FRMD6: variants seen among roughly 807,000 people sequenced by gnomAD.
FRMD6 encodes FERM domain-containing protein 6.
FRMD6 carries 37 observed loss-of-function variants against 73.2 expected under a neutral mutation model. The ratio of observed to expected loss-of-function variants is 0.51; its 90% CI spans 0.39 to 0.66. FRMD6 has a LOEUF of 0.66. Among genes scored for constraint, FRMD6 ranks in the 30% least tolerant of loss-of-function variants. The probability of loss-of-function intolerance (pLI) is 0.00; values close to 1 mark genes in which losing one functional copy is unlikely to be tolerated. For missense variants in FRMD6, 714 were observed against 780.5 expected (o/e 0.91, Z 1.02); for synonymous variants, 273 against 282.2 (o/e 0.97, Z 0.33).
At chr14:51,482,882 A>T in the FRMD6 span, among the ~76,000 whole-genome samples, 1 of 151,930 alleles carries the variant, frequency 6.6e-6, no homozygotes, top group African/African-American at 2.4e-5. Context: ...TTGTATTTTT[A>T]GTAGAGACGG....
intron 13 of FRMD6, among the ~76,000 whole-genome samples, chr14:51,727,520 G>C (rs1230681624): frequency 6.6e-6 from 1 of 152,180 alleles, no homozygotes; most frequent in Non-Finnish European, 1.5e-5. Flanking sequence ...TTAGGTCAGG[G>C]CCTGGCACAT....
intron 2 of FRMD6, among the ~76,000 whole-genome samples, chr14:51,596,137 T>A (rs549784417): frequency 2.4e-4 from 36 of 152,260 alleles, no homozygotes; most frequent in African/African-American, 8.4e-4. Context: ...TGGGACTGAG[T>A]GACCTATTAT....
intron 2 of FRMD6, among the ~76,000 whole-genome samples, chr14:51,600,998 G>GTCTTT (rs1890005632): frequency 6.6e-6 from 1 of 152,262 alleles, no homozygotes; most frequent in Admixed American, 6.5e-5. Flanking sequence ...AAAGATTTTT[G>GTCTTT]GGCAGCAATT....
chr14:51,602,525 A>G (rs1297294832), intron 2 of FRMD6, among the ~76,000 whole-genome samples: 1 of 152,258 alleles, frequency 6.6e-6, no homozygotes, highest in Non-Finnish European at 1.5e-5. Context: ...TGAGAATCAC[A>G]TTTCAGGGTC....
chr14:51,605,549 A>G (rs1289002479), intron 2 of FRMD6, among the ~76,000 whole-genome samples: 2 of 152,160 alleles, frequency 1.3e-5, no homozygotes, highest in African/African-American at 2.4e-5. Flanking sequence ...TCTTACCCCA[A>G]AAGATGTATG....
At chr14:51,517,161 G>A (rs1199536662) in intron 1 of FRMD6, among the ~76,000 whole-genome samples, 4 of 152,200 alleles carry the variant, frequency 2.6e-5, no homozygotes, top group African/African-American at 9.6e-5. Context: ...AAATGATTAA[G>A]TGATTAAGGA....
At chr14:51,431,877 A>C in the FRMD6 span, among the ~76,000 whole-genome samples, 3 of 152,208 alleles carry the variant, frequency 2.0e-5, no homozygotes, top group Non-Finnish European at 4.4e-5. Context: ...GAGATTGCTC[A>C]TGTGGAAAGA....
chr14:51,432,156 A>T, the FRMD6 span, among the ~76,000 whole-genome samples: 1 of 152,232 alleles, frequency 6.6e-6, no homozygotes, highest in African/African-American at 2.4e-5. Context: ...TCTGTTGTTC[A>T]GATTGATCCA....
At chr14:51,477,219 A>G in the FRMD6 span, among the ~76,000 whole-genome samples, 1 of 152,224 alleles carries the variant, frequency 6.6e-6, no homozygotes, top group Admixed American at 6.5e-5. Context: ...AGAGAAATAA[A>G]CAGGTTACTA....
chr14:51,698,289 T>A (rs1896076827), intron 3 of FRMD6, 57 bp downstream of exon 3: 2 of 1,173,676 alleles, frequency 1.7e-6, no homozygotes, highest in South Asian at 1.4e-5. Flanking sequence ...GGAAATGACA[T>A]CTTATAGCTA....
chr14:51,633,275 CT>C (rs879513047), intron 2 of FRMD6, among the ~76,000 whole-genome samples: 182 of 144,424 alleles, frequency 1.3e-3, no homozygotes, highest in African/African-American at 2.1e-3. Flanking sequence ...TTTACCTCCT[CT>C]TTTTTTTTTT....
intron 1 of FRMD6, among the ~76,000 whole-genome samples, chr14:51,522,069 A>C (rs1197188468): frequency 6.6e-6 from 1 of 152,216 alleles, no homozygotes; most frequent in East Asian, 1.9e-4. Context: ...AAGGTCATTT[A>C]AATGACTCAT....
At chr14:51,412,196 A>G in the FRMD6 span, among the ~76,000 whole-genome samples, 3 of 151,964 alleles carry the variant, frequency 2.0e-5, no homozygotes, top group Non-Finnish European at 2.9e-5. Flanking sequence ...TTTTAAATAT[A>G]TATTTTTGAT....
At chr14:51,471,109 T>C in the FRMD6 span, among the ~76,000 whole-genome samples, 1 of 152,208 alleles carries the variant, frequency 6.6e-6, no homozygotes, top group African/African-American at 2.4e-5. Flanking sequence ...GATATAATTG[T>C]GGAATCTATC....
chr14:51,439,003 A>G, the FRMD6 span, among the ~76,000 whole-genome samples: 1 of 152,164 alleles, frequency 6.6e-6, no homozygotes, highest in South Asian at 2.1e-4. Context: ...GGGGTAATGG[A>G]CTCAGCTCTG....
intron 1 of FRMD6, among the ~76,000 whole-genome samples, chr14:51,492,654 G>A (rs1843087567): frequency 2.0e-5 from 3 of 152,120 alleles, no homozygotes; most frequent in Non-Finnish European, 4.4e-5. Context: ...TAAAAAAAGA[G>A]AATAAAAGAA....
chr14:51,549,533 A>G (rs2139423557), intron 1 of FRMD6, among the ~76,000 whole-genome samples: 1 of 144,668 alleles, frequency 6.9e-6, no homozygotes, highest in Admixed American at 6.9e-5. Context: ...CTCTATTGCT[A>G]TGTTCCTTTT....
chr14:51,644,353 T>A lies in FRMD6; in HGVS notation c.-146-45338T>A, dbSNP rs971435527. 2.8e-5 allele frequency among the ~76,000 whole-genome samples: 4 copies of A among 142,168 alleles called. No individual in the cohort carries two copies. In the Admixed American group the frequency reaches 2.9e-4, roughly 10 times the overall value. 93.3% of individuals were successfully genotyped at this position (142,168 alleles called of 152,430 possible). A position where few individuals can be genotyped will look rare whatever the true frequency, so the allele number is the denominator to read the frequency against. On this transcript the variant is annotated intron_variant, in intron 2 of 14. Transcript: ENST00000356218. ...ATCTCAGATTTCTCTGCCTCACCCT[T>A]CACACACACACACACACACACACAC...
At chr14:51,693,890 A>G (rs930597094) in intron 2 of FRMD6, among the ~76,000 whole-genome samples, 3 of 152,202 alleles carry the variant, frequency 2.0e-5, no homozygotes, top group African/African-American at 7.2e-5. Flanking sequence ...CCCCACTACC[A>G]GAAAAACAAT....
Sources: gnomAD v4.1 joint callset for allele counts (sites outside exome capture counted in the v4.1 genomes callset) on GRCh38, gnomAD v4.1.1 for gene constraint, MANE v1.5 for transcripts, NCBI Gene and HGNC (gene_info 2026-07-23, HGNC 2026-07-21) for gene names.